TTC28: variants seen among roughly 807,000 people sequenced by gnomAD.
The protein encoded by TTC28 is tetratricopeptide repeat protein 28.
TTC28 carries 61 observed loss-of-function variants against 198.0 expected under a neutral mutation model. The ratio of observed to expected loss-of-function variants is 0.31; its 90% CI spans 0.25 to 0.38. TTC28 has a LOEUF of 0.38. Ranked by LOEUF, TTC28 falls within the 10% of genes least tolerant of loss-of-function variation. The probability of loss-of-function intolerance (pLI) is 1.00; values close to 1 mark genes in which losing one functional copy is unlikely to be tolerated. For synonymous variants in TTC28, 1,171 were observed against 1,297.8 expected (o/e 0.90, Z 2.10); for missense variants, 2,678 against 3,164.0 (o/e 0.85, Z 3.69).
chr22:28,581,101 C>T (rs1200730419), intron 2 of TTC28, among the ~76,000 whole-genome samples: 1 of 152,126 alleles, frequency 6.6e-6, no homozygotes, highest in African/African-American at 2.4e-5. Flanking sequence ...GAGGACGGTC[C>T]TCATGCGAGG....
chr22:28,066,535 A>G (rs1473659174), intron 12 of TTC28, among the ~76,000 whole-genome samples: 1 of 151,960 alleles, frequency 6.6e-6, no homozygotes, highest in East Asian at 1.9e-4. Flanking sequence ...CTCTTCTTCT[A>G]TGACTTAGAT....
At chr22:28,307,718 C>A (rs78230258) in intron 2 of TTC28, among the ~76,000 whole-genome samples, 3,769 of 152,214 alleles carry the variant, frequency 0.025, 164 homozygotes, top group African/African-American at 0.086. Flanking sequence ...GCTTATATGA[C>A]AACATCTGCT....
In TTC28 at chr22:28,297,791, C is replaced by G; in HGVS notation, c.591G>C (p.Val197=). ...QKMKLDKSPF[V]VVSVVGQELL... ...GTTCCTGCCCAACCACAGACACGAC[C>G]ACAAAGGGACTCTTGTCCAGTTTCA... Residue 197 remains valine, a synonymous_variant, in exon 4 of 23, where the codon GTG becomes GTC. Transcript: ENST00000397906. 1 of 1,551,636 alleles carries G rather than the reference C, an allele frequency of 6.4e-7. No individual in the cohort carries two copies. The highest frequency in any genetic ancestry group is 2.4e-5 in the East Asian group (1 of 40,912).
chr22:28,518,351 C>A (rs761073421), intron 2 of TTC28, among the ~76,000 whole-genome samples: 21 of 152,100 alleles, frequency 1.4e-4, no homozygotes, highest in Non-Finnish European at 2.9e-5. Context: ...CATGGTGGCT[C>A]GCATCTGTAA....
At chr22:28,217,610 T>C (rs1254050870) in intron 5 of TTC28, among the ~76,000 whole-genome samples, 1 of 152,214 alleles carries the variant, frequency 6.6e-6, no homozygotes, top group Non-Finnish European at 1.5e-5. Context: ...GCTTATAATA[T>C]TTTATTTTAG....
At chr22:28,021,854 A>G (rs1390777212) in intron 13 of TTC28, among the ~76,000 whole-genome samples, 1 of 152,084 alleles carries the variant, frequency 6.6e-6, no homozygotes, top group Non-Finnish European at 1.5e-5. Flanking sequence ...CATCTTTAGG[A>G]TGGCTGGAAG....
intron 12 of TTC28, among the ~76,000 whole-genome samples, chr22:28,045,560 T>A (rs2146687506): frequency 6.6e-6 from 1 of 152,334 alleles, no homozygotes; most frequent in African/African-American, 2.4e-5. Flanking sequence ...ACCTGGCACC[T>A]GCTAGGTGCT....
chr22:28,403,174 G>T (rs5752740), intron 2 of TTC28, among the ~76,000 whole-genome samples: 1 of 152,148 alleles, frequency 6.6e-6, no homozygotes, highest in Non-Finnish European at 1.5e-5. Flanking sequence ...GACTTATAGA[G>T]GGAATACAGA....
At chr22:28,297,487 A>T (rs1327231655) in intron 4 of TTC28, 93 bp downstream of exon 4, 2 of 1,403,228 alleles carry the variant, frequency 1.4e-6, no homozygotes, top group Non-Finnish European at 1.9e-6. Flanking sequence ...CAACCAGGCG[A>T]TCACTTTTCA....
At chr22:28,162,184 A>C (rs912350013) in intron 6 of TTC28, among the ~76,000 whole-genome samples, 2 of 152,186 alleles carry the variant, frequency 1.3e-5, no homozygotes, top group Admixed American at 6.5e-5. Flanking sequence ...CTTGTCTCTT[A>C]CCACTACATA....
intron 2 of TTC28, among the ~76,000 whole-genome samples, chr22:28,399,563 C>G (rs563752449): frequency 3.3e-5 from 5 of 152,106 alleles, no homozygotes; most frequent in South Asian, 2.1e-4. Context: ...CCTTGGCCCC[C>G]CAAAGTGCTG....
intron 15 of TTC28, 174 bp downstream of exon 15, chr22:28,001,200 C>T: frequency 1.3e-6 from 1 of 777,134 alleles, no homozygotes; most frequent in Non-Finnish European, 2.0e-6. Flanking sequence ...GGCCGTGCCC[C>T]ACTTTTGGAC....
At chr22:28,646,152 A>G (rs180774575) in intron 1 of TTC28, among the ~76,000 whole-genome samples, 6 of 152,278 alleles carry the variant, frequency 3.9e-5, no homozygotes, top group Admixed American at 2.6e-4. Flanking sequence ...ATGATATGAT[A>G]GCATACCTGG....
intron 2 of TTC28, among the ~76,000 whole-genome samples, chr22:28,614,344 A>C (rs2050867164): frequency 6.6e-6 from 1 of 152,230 alleles, no homozygotes; most frequent in Non-Finnish European, 1.5e-5. Flanking sequence ...AGGAAGAATC[A>C]ATATTGTGAA....
chr22:28,197,960 C>T (rs1228716343), intron 5 of TTC28, among the ~76,000 whole-genome samples: 1 of 152,080 alleles, frequency 6.6e-6, no homozygotes, highest in East Asian at 1.9e-4. Flanking sequence ...TTCACTTCAC[C>T]TTTCAAACAG....
Position 27,996,250 on chromosome 22 carries a change from A to G in TTC28, c.5129T>C (p.Leu1710Pro). Residue 1710 changes from leucine (L) to proline (P), a missense_variant, in exon 17 of 23, where the codon CTC becomes CCC. Physicochemically the swap from Leu to Pro is moderately conservative, Grantham distance 98. This residue lies in a region of TTC28 where 314 missense variants were observed against 442.7 expected (regional missense o/e 0.71). Coordinates refer to ENST00000397906, the MANE Select transcript of TTC28 (RefSeq NM_001145418.2). Reference sequence around the variant, plus strand: ...GTTCAGCTTAACGTCACTCCCGATGAGCATGAACCCTGCAGAAAGCAAAGG... The same window carrying G: ...GTTCAGCTTAACGTCACTCCCGATGGGCATGAACCCTGCAGAAAGCAAAGG... ...SHPSNWAGFMLIGSDVKLNSP... is the reference protein window; with the variant it reads ...SHPSNWAGFMPIGSDVKLNSP... 1 of 1,550,988 alleles carries G rather than the reference A, an allele frequency of 6.4e-7. No homozygotes were observed.
At chr22:28,057,653 C>T (rs1940342570) in intron 12 of TTC28, among the ~76,000 whole-genome samples, 1 of 151,866 alleles carries the variant, frequency 6.6e-6, no homozygotes, top group Non-Finnish European at 1.5e-5. Flanking sequence ...CTGGCTATTG[C>T]TTTTTATGAC....
chr22:28,264,235 A>G (rs1425818500), intron 5 of TTC28, among the ~76,000 whole-genome samples: 1 of 152,116 alleles, frequency 6.6e-6, no homozygotes, highest in East Asian at 1.9e-4. Flanking sequence ...GGTTTTATAA[A>G]GGGGAGTTCC....
chr22:28,210,126 C>A (rs902084046), intron 5 of TTC28, among the ~76,000 whole-genome samples: 2 of 152,150 alleles, frequency 1.3e-5, no homozygotes, highest in African/African-American at 2.4e-5. Flanking sequence ...CACACCAAAA[C>A]CCCATCTATA....
Sources: allele counts gnomAD v4.1 joint callset (sites outside exome capture counted in the v4.1 genomes callset), GRCh38; gene constraint gnomAD v4.1.1; regional missense constraint gnomAD v4.1.1; transcripts MANE v1.5; gene names NCBI Gene and HGNC (gene_info 2026-07-23, HGNC 2026-07-21).